Variants in WEE2 observed in about 807,000 individuals in gnomAD.
WEE2 encodes WEE2 oocyte meiosis inhibiting kinase, also known as wee1-like protein kinase 2.
A neutral mutation model predicts 60.1 loss-of-function variants in WEE2; 50 were observed. That is an observed-to-expected ratio of 0.83 (90% CI 0.66 to 1.05). The LOEUF is 1.05. Ranked by LOEUF, WEE2 falls within the 50% of genes least tolerant of loss-of-function variation. The pLI is 0.00. For synonymous variants in WEE2, 240 were observed against 241.0 expected (o/e 1.00, Z 0.04); for missense variants, 631 against 684.3 (o/e 0.92, Z 0.87).
intron 11 of WEE2, 100 bp downstream of exon 11, chr7:141,729,773 G>A (rs530372351): frequency 1.5e-6 from 2 of 1,374,952 alleles, no homozygotes; most frequent in Non-Finnish European, 9.8e-7. Context: ...TGGATCATGA[G>A]GTCAGGAGAT....
At chr7:141,726,997 A>G (rs930741876) in intron 9 of WEE2, among the ~76,000 whole-genome samples, 4 of 152,328 alleles carry the variant, frequency 2.6e-5, no homozygotes, top group Admixed American at 6.5e-5. Context: ...CCATTCCAGT[A>G]ATTTGGATAA....
chr7:141,712,030 G>C (rs926929307), intron 1 of WEE2, among the ~76,000 whole-genome samples: 3 of 152,104 alleles, frequency 2.0e-5, no homozygotes, highest in Non-Finnish European at 4.4e-5. Flanking sequence ...CACCCACCAG[G>C]CCCTACCTCC....
At chr7:141,710,535 G>C (rs1168091796) in intron 1 of WEE2, among the ~76,000 whole-genome samples, 2 of 152,284 alleles carry the variant, frequency 1.3e-5, no homozygotes, top group Non-Finnish European at 2.9e-5. Context: ...TTAAACAAAT[G>C]AAACAATAAA....
chr7:141,729,441 A>G, intron 10 of WEE2, 90 bp from the exon 11 acceptor site: 2 of 1,554,010 alleles, frequency 1.3e-6, no homozygotes, highest in South Asian at 2.3e-5. Flanking sequence ...ATACTGAAAC[A>G]AGAAGAAAAA....
chr7:141,713,551 A>G (rs890787548), intron 1 of WEE2, among the ~76,000 whole-genome samples: 3 of 152,226 alleles, frequency 2.0e-5, no homozygotes, highest in African/African-American at 7.2e-5. Flanking sequence ...TCTGAATCTT[A>G]AGGGCTTAGA....
At chr7:141,727,280 T>C in intron 9 of WEE2, 24 bp from the exon 10 acceptor site, 3 of 1,588,970 alleles carry the variant, frequency 1.9e-6, no homozygotes, top group Non-Finnish European at 2.6e-6. Context: ...TTCTGTTTCT[T>C]TCCTCTTGGT....
chr7:141,723,108 G>A lies in WEE2; in HGVS notation c.881-26G>A, dbSNP rs1352672562. The stretch of plus-strand genomic sequence containing the variant: ...TTCATCTATAAGACTCATACTGTGG[G>A]GCTGTTCTCTGTTGTTCTTTCCCAG... On this transcript the variant is annotated intron_variant, in intron 5 of 11. Coordinates refer to ENST00000397541, the MANE Select transcript of WEE2 (RefSeq NM_001105558.1). 5 of 1,613,296 alleles carry A rather than the reference G, an allele frequency of 3.1e-6. No homozygotes were observed. In the Admixed American group the frequency reaches 8.3e-5, roughly 27 times the overall value.
chr7:141,723,348 G>T (rs755935532), intron 6 of WEE2, 68 bp downstream of exon 6: 14 of 1,522,440 alleles, frequency 9.2e-6, no homozygotes, highest in African/African-American at 1.4e-5. Context: ...CAAAATCTAG[G>T]TCTGTATGTC....
At chr7:141,709,217 T>A in intron 1 of WEE2, 117 bp downstream of exon 1, 1 of 702,206 alleles carries the variant, frequency 1.4e-6, no homozygotes, top group Non-Finnish European at 2.4e-6. Context: ...GTGTATATCC[T>A]CAATTACACA....
chr7:141,723,890 G>A (rs766973200), intron 6 of WEE2, 51 bp from the exon 7 acceptor site: 22 of 1,229,132 alleles, frequency 1.8e-5, no homozygotes, highest in Non-Finnish European at 2.4e-5. Flanking sequence ...TCTTTGAGAG[G>A]AAAAAGCTTA....
intron 10 of WEE2, among the ~76,000 whole-genome samples, chr7:141,728,705 C>A (rs1262260914): frequency 6.6e-6 from 1 of 151,770 alleles, no homozygotes; most frequent in Non-Finnish European, 1.5e-5. Flanking sequence ...TGGACCAGTA[C>A]CAGTCTGTGG....
At chr7:141,727,903 A>G (rs1799047990) in intron 10 of WEE2, 1 of 157,120 alleles carries the variant, frequency 6.4e-6, no homozygotes, top group Non-Finnish European at 1.4e-5. Flanking sequence ...AAAGAAAACG[A>G]TCTGTTCCCC....
chr7:141,712,445 C>T (rs187458418), intron 1 of WEE2, among the ~76,000 whole-genome samples: 1 of 152,288 alleles, frequency 6.6e-6, no homozygotes, highest in Non-Finnish European at 1.5e-5. Flanking sequence ...TTTATACTCT[C>T]AACCTGTGTC....
At chr7:141,709,848 G>A (rs181228018) in intron 1 of WEE2, among the ~76,000 whole-genome samples, 82 of 152,224 alleles carry the variant, frequency 5.4e-4, no homozygotes, top group African/African-American at 1.9e-3. Flanking sequence ...AGCCATAGTT[G>A]GGGCAGGGTT....
chr7:141,718,994 G>A, intron 3 of WEE2, 78 bp from the exon 4 acceptor site: 1 of 1,413,462 alleles, frequency 7.1e-7, no homozygotes, highest in Non-Finnish European at 9.7e-7. Context: ...GAGCAACTTA[G>A]GACTGTAATA....
chr7:141,720,821 A>T, intron 4 of WEE2, 114 bp from the exon 5 acceptor site: 1 of 1,110,804 alleles, frequency 9.0e-7, no homozygotes, highest in South Asian at 1.4e-5. Context: ...GCAAGCAGTG[A>T]GCTCTCAATA....
chr7:141,711,398 C>T lies in WEE2; in HGVS notation c.342+2298C>T, dbSNP rs575576100. On this transcript the variant is annotated intron_variant, in intron 1 of 11. Transcript: ENST00000397541. This position sits in a 1 kb window ranked among gnomAD's most constrained non-coding sequence, Gnocchi z 4.2. ...AAACTGAAATGCAACTGGGAAAGTA[C>T]ATACTTTATGAAAACACAGTTTGCG... Among the ~76,000 whole-genome samples, 1 of 152,252 alleles carries T rather than the reference C, an allele frequency of 6.6e-6. No individual in the cohort carries two copies. Among genetic ancestry groups the T allele is most frequent in the South Asian group, 2.1e-4 (1 of 4,828 alleles).
At chr7:141,725,652 C>T (rs531647573) in intron 9 of WEE2, among the ~76,000 whole-genome samples, 15 of 149,812 alleles carry the variant, frequency 1.0e-4, no homozygotes, top group East Asian at 1.9e-4. Flanking sequence ...AAGCAGGCAG[C>T]GGAGGGGGCG....
intron 1 of WEE2, among the ~76,000 whole-genome samples, chr7:141,712,383 C>G (rs1014430159): frequency 3.3e-5 from 5 of 152,174 alleles, no homozygotes; most frequent in Non-Finnish European, 2.9e-5. Context: ...CTCCCTCAAT[C>G]ATCTGTGCTA....
Sources: gnomAD v4.1 joint callset for allele counts (sites outside exome capture counted in the v4.1 genomes callset) on GRCh38, gnomAD v4.1.1 for gene constraint, Gnocchi (gnomAD v3.1) non-coding constraint, MANE v1.5 for transcripts, NCBI Gene and HGNC (gene_info 2026-07-23, HGNC 2026-07-21) for gene names.